Variants in INPP4B observed in about 807,000 individuals in gnomAD.
The protein encoded by INPP4B is inositol polyphosphate-4-phosphatase type II B.
In INPP4B, 55 loss-of-function variants were observed where a neutral mutation model predicts 122.5. That is an observed-to-expected ratio of 0.45 (90% CI 0.36 to 0.56). INPP4B has a LOEUF of 0.56. Ranked by LOEUF, INPP4B falls within the 20% of genes least tolerant of loss-of-function variation. The pLI, the probability that INPP4B is intolerant of heterozygous loss-of-function variation, is 0.00. For missense variants in INPP4B, 1,000 were observed against 1,097.7 expected, an observed-to-expected ratio of 0.91 and a Z score of 1.26; for synonymous variants, 403 against 388.7, an observed-to-expected ratio of 1.04 and a Z score of -0.43.
At chr4:142,524,472 T>C (rs1436451561) in intron 2 of INPP4B, among the ~76,000 whole-genome samples, 3 of 152,094 alleles carry the variant, frequency 2.0e-5, no homozygotes, top group African/African-American at 4.8e-5. Flanking sequence ...GAAGTGTCTG[T>C]TCATGTCCTT....
At chr4:142,367,756 C>A (rs1788120266) in intron 7 of INPP4B, among the ~76,000 whole-genome samples, 1 of 151,964 alleles carries the variant, frequency 6.6e-6, no homozygotes. Context: ...GTTCATAGTT[C>A]TGACACTAGA....
At chr4:142,463,815 G>A (rs376912988) in intron 2 of INPP4B, among the ~76,000 whole-genome samples, 8 of 152,224 alleles carry the variant, frequency 5.3e-5, no homozygotes, top group African/African-American at 1.7e-4. Flanking sequence ...GGACATGTTT[G>A]CTTCCCCTTC....
chr4:142,586,965 A>T (rs998765886), intron 2 of INPP4B, among the ~76,000 whole-genome samples: 1 of 152,126 alleles, frequency 6.6e-6, no homozygotes, highest in Non-Finnish European at 1.5e-5. Flanking sequence ...GAAGTGTAGG[A>T]TGTGAGAAGA....
chr4:142,790,791 T>G (rs1170204721), intron 1 of INPP4B, among the ~76,000 whole-genome samples: 1 of 152,120 alleles, frequency 6.6e-6, no homozygotes, highest in Non-Finnish European at 1.5e-5. Flanking sequence ...GGTCCTTTTT[T>G]TCTTATATTA....
chr4:142,099,844 G>T (rs913137490), intron 23 of INPP4B, among the ~76,000 whole-genome samples: 1 of 152,068 alleles, frequency 6.6e-6, no homozygotes, highest in Non-Finnish European at 1.5e-5. Flanking sequence ...TTAACATTCT[G>T]GGAAATTTCA....
chr4:142,814,533 A>G (rs757287449), intron 1 of INPP4B, among the ~76,000 whole-genome samples: 1 of 152,142 alleles, frequency 6.6e-6, no homozygotes, highest in Admixed American at 6.6e-5. Flanking sequence ...GTTTTTCTCC[A>G]AAATCATTTT....
chr4:142,102,381 T>C (rs1055175603), intron 23 of INPP4B, among the ~76,000 whole-genome samples: 2 of 151,990 alleles, frequency 1.3e-5, no homozygotes, highest in African/African-American at 4.8e-5. Context: ...TAATAATTAT[T>C]CTAAAAGAAT....
At chr4:142,643,161 A>G in intron 2 of INPP4B, among the ~76,000 whole-genome samples, 1 of 152,118 alleles carries the variant, frequency 6.6e-6, no homozygotes, top group East Asian at 1.9e-4. Flanking sequence ...GCTTAAGGAG[A>G]TTTTGGGCTG....
chr4:142,464,574 GC>G (rs1817387199), intron 2 of INPP4B, among the ~76,000 whole-genome samples: 1 of 150,712 alleles, frequency 6.6e-6, no homozygotes, highest in African/African-American at 2.4e-5. Context: ...CATTTTTTGA[GC>G]CCAGTAGACC....
At chr4:142,753,629 C>A (rs1432393926) in intron 1 of INPP4B, among the ~76,000 whole-genome samples, 2 of 151,906 alleles carry the variant, frequency 1.3e-5, no homozygotes, top group African/African-American at 4.8e-5. Context: ...TAGAGATAAC[C>A]CAAAAGCTTC....
At chr4:142,563,069 T>C (rs1730812992) in intron 2 of INPP4B, among the ~76,000 whole-genome samples, 1 of 152,186 alleles carries the variant, frequency 6.6e-6, no homozygotes, top group Admixed American at 6.5e-5. Flanking sequence ...TGTTTAGCAG[T>C]GAAGAGTACC....
At chr4:142,681,637 G>A (rs565556713) in intron 2 of INPP4B, among the ~76,000 whole-genome samples, 4 of 151,904 alleles carry the variant, frequency 2.6e-5, no homozygotes, top group East Asian at 1.9e-4. Context: ...GAAAGAAAAC[G>A]AAAACCAAAA....
In INPP4B at chr4:142,140,328, T is replaced by G. The variant is rs1807095502; in HGVS notation, c.1720+5512A>C. Reference sequence around the variant, plus strand: ...TCAATGGCATAGGATATTTGGCCTTTTACAGGGCATTTCATGACATACTTG... The same window carrying G: ...TCAATGGCATAGGATATTTGGCCTTGTACAGGGCATTTCATGACATACTTG... On this transcript the variant is annotated intron_variant, in intron 18 of 25. Coordinates refer to ENST00000262992, the MANE Select transcript of INPP4B (RefSeq NM_001101669.3). 3.3e-5 allele frequency among the ~76,000 whole-genome samples: 5 copies of G among 152,334 alleles called. No homozygotes were observed. In the South Asian group the frequency reaches 1.0e-3, roughly 32 times the overall value.
intron 15 of INPP4B, among the ~76,000 whole-genome samples, chr4:142,182,409 G>A (rs899255952): frequency 2.0e-5 from 3 of 151,986 alleles, no homozygotes; most frequent in East Asian, 1.9e-4. Flanking sequence ...TTAGCCGGGC[G>A]TGGTGGCAGG....
At position 142,307,687 on chromosome 4, in the gene INPP4B, A is replaced by G. The variant is rs141902308; in HGVS notation, c.424-2150T>C. The stretch of plus-strand genomic sequence containing the variant: ...ATTTTATTTTAGCATTTTGTATTTT[A>G]AAGAGATGTCGATCTTACTTTCTCC... On this transcript the variant is annotated intron_variant, in intron 8 of 25. Transcript: ENST00000262992. Among the ~76,000 whole-genome samples the G allele has an allele frequency of 6.5e-4, 99 of 152,338 alleles. 1 individual carries two copies. Among genetic ancestry groups the G allele is most frequent in the African/African-American group, 2.3e-3 (97 of 41,588 alleles).
chr4:142,450,845 T>A (rs1343719406), intron 3 of INPP4B, among the ~76,000 whole-genome samples: 1 of 152,026 alleles, frequency 6.6e-6, no homozygotes, highest in African/African-American at 2.4e-5. Flanking sequence ...CACACAAAAA[T>A]TTTCAAACTT....
intron 1 of INPP4B, among the ~76,000 whole-genome samples, chr4:142,825,199 CT>C (rs987927036): frequency 5.3e-5 from 8 of 152,056 alleles, no homozygotes; most frequent in Admixed American, 1.3e-4. Flanking sequence ...TGCCTTAGTA[CT>C]TTTGTTCCAA....
chr4:142,663,908 AT>A (rs1441972194), intron 2 of INPP4B, among the ~76,000 whole-genome samples: 1 of 152,228 alleles, frequency 6.6e-6, no homozygotes. Context: ...TTTTTAAAAA[AT>A]GTTTGCTTAA....
rs963983765 is a variant in INPP4B at position 142,024,419 on chromosome 4, A to C, written c.*4363T>G. On this transcript the variant is annotated 3_prime_UTR_variant, in exon 26 of 26. Coordinates refer to ENST00000262992, the MANE Select transcript of INPP4B (RefSeq NM_001101669.3). ...TTCTTTTTGGTCGTGCATAATTTTT[A>C]AGGCCTCCAGCTACTATGATGCCTT... 1.2e-4 allele frequency: 18 copies of C among 152,166 alleles called. No homozygotes were observed. Among genetic ancestry groups the C allele is most frequent in the African/African-American group, 4.3e-4 (18 of 41,448 alleles). The allele number at this position is 152,166 out of a possible 1,614,324, so 9.4% of individuals were successfully genotyped here.
Sources: allele counts gnomAD v4.1 joint callset (sites outside exome capture counted in the v4.1 genomes callset), GRCh38; gene constraint gnomAD v4.1.1; transcripts MANE v1.5; gene names NCBI Gene and HGNC (gene_info 2026-07-23, HGNC 2026-07-21).